UBR1: variants seen among roughly 807,000 people sequenced by gnomAD.
UBR1 encodes the protein ubiquitin protein ligase E3 component n-recognin 1.
Under a neutral mutation model 242.1 loss-of-function variants are expected in UBR1, and 102 were observed. The observed-to-expected ratio is 0.42, with a 90% CI of 0.36 to 0.50. The LOEUF (loss-of-function observed/expected upper bound fraction) is 0.50, where lower values mean the gene tolerates loss of function less well. UBR1 is among the 20% of genes least tolerant of loss of function. The probability of loss-of-function intolerance (pLI) is 0.01; values close to 1 mark genes in which losing one functional copy is unlikely to be tolerated. For missense variants in UBR1, 1,772 were observed against 2,101.8 expected, an observed-to-expected ratio of 0.84 and a Z score of 3.07; for synonymous variants, 675 against 684.8, an observed-to-expected ratio of 0.99 and a Z score of 0.22.
chr15:42,962,882 T>C (rs1433530009), intron 42 of UBR1, among the ~76,000 whole-genome samples: 2 of 151,966 alleles, frequency 1.3e-5, no homozygotes, highest in African/African-American at 2.4e-5. Flanking sequence ...GCTGACAAGG[T>C]AGACTGGGAA....
intron 6 of UBR1, among the ~76,000 whole-genome samples, chr15:43,065,683 A>G (rs2033743860): frequency 6.6e-6 from 1 of 152,146 alleles, no homozygotes. Context: ...CAAAGGACAT[A>G]ATCTTGTTCC....
intron 29 of UBR1, among the ~76,000 whole-genome samples, chr15:43,015,447 T>C (rs1264651032): frequency 1.3e-5 from 2 of 152,096 alleles, no homozygotes; most frequent in South Asian, 2.1e-4. Flanking sequence ...GAAGGCAGCA[T>C]GCTCGTTAAG....
rs375899352 is a variant in UBR1, at chr15:43,096,221, T to A, written c.81+9721A>T. On this transcript the variant is annotated intron_variant, in intron 1 of 46. Transcript: ENST00000290650. ...CAGAGTCTCACTCTATCCCTCAGACTGGAGTGCAGTGGCACGATCTGGGCT... is the reference window on the plus strand; with the variant it reads ...CAGAGTCTCACTCTATCCCTCAGACAGGAGTGCAGTGGCACGATCTGGGCT... Among the ~76,000 whole-genome samples, 347 of 151,742 alleles carry A rather than the reference T, an allele frequency of 2.3e-3. 3 individuals carry two copies. Among genetic ancestry groups the A allele is most frequent in the African/African-American group, 7.8e-3 (324 of 41,368 alleles).
At chr15:42,949,241 G>C (rs1312372313) in intron 46 of UBR1, among the ~76,000 whole-genome samples, 2 of 132,020 alleles carry the variant, frequency 1.5e-5, no homozygotes, top group African/African-American at 5.8e-5. Flanking sequence ...AGAACACATG[G>C]ACATAGCAAG....
chr15:42,996,110 G>A (rs12324352), intron 33 of UBR1, among the ~76,000 whole-genome samples: 17 of 152,170 alleles, frequency 1.1e-4, no homozygotes, highest in African/African-American at 2.4e-4. Context: ...AGGTCAAATC[G>A]AATCTCATTT....
intron 40 of UBR1, among the ~76,000 whole-genome samples, chr15:42,969,165 C>A (rs950584770): frequency 2.0e-5 from 3 of 152,194 alleles, no homozygotes; most frequent in African/African-American, 7.2e-5. Context: ...TTCTCCACAT[C>A]CTCTCCAGCA....
chr15:43,039,620 G>A (rs1377777980), intron 15 of UBR1, among the ~76,000 whole-genome samples: 1 of 152,190 alleles, frequency 6.6e-6, no homozygotes, highest in Non-Finnish European at 1.5e-5. Context: ...CATGTCATCT[G>A]CAAACAGGGA....
At chr15:43,043,500 GGCATAATCACAGCTCACT>G (rs2033446010) in intron 14 of UBR1, 105 bp from the exon 15 acceptor site, 13 of 1,074,676 alleles carry the variant, frequency 1.2e-5, no homozygotes, top group Non-Finnish European at 8.4e-6. Flanking sequence ...GGAGTACAGT[GGCATAATCACAGCTCACT>G]GCAGCCTCAA....
chr15:42,998,097 A>G, intron 33 of UBR1, 71 bp downstream of exon 33: 3 of 1,339,688 alleles, frequency 2.2e-6, no homozygotes, highest in East Asian at 2.4e-5. Flanking sequence ...TTTTAGCCCA[A>G]TAATTATTTA....
At chr15:42,966,524 C>G (rs1036778654) in intron 40 of UBR1, among the ~76,000 whole-genome samples, 1 of 151,984 alleles carries the variant, frequency 6.6e-6, no homozygotes, top group Non-Finnish European at 1.5e-5. Context: ...CCAGTCTCTA[C>G]TGAATTAGCC....
At chr15:42,967,429 T>G (rs1025350150) in intron 40 of UBR1, among the ~76,000 whole-genome samples, 1 of 149,588 alleles carries the variant, frequency 6.7e-6, no homozygotes, top group African/African-American at 2.5e-5. Context: ...TTTTTTTTTG[T>G]TTAGATTAAA....
chr15:43,038,296 A>C (rs1313757363), intron 15 of UBR1, 64 bp from the exon 16 acceptor site: 24 of 1,519,472 alleles, frequency 1.6e-5, no homozygotes, highest in Non-Finnish European at 2.2e-5. Flanking sequence ...TAGTTAACTC[A>C]TCAAGTTTAG....
intron 36 of UBR1, among the ~76,000 whole-genome samples, chr15:42,984,424 T>C (rs780651373): frequency 3.3e-5 from 5 of 152,192 alleles, no homozygotes; most frequent in East Asian, 1.9e-4. Flanking sequence ...GGGATCACTA[T>C]GTAAAGAGGT....
At chr15:42,960,297 A>G (rs1025581048) in intron 43 of UBR1, among the ~76,000 whole-genome samples, 4 of 152,254 alleles carry the variant, frequency 2.6e-5, no homozygotes, top group African/African-American at 4.8e-5. Context: ...ATCAAAAACA[A>G]AAGTGGCTTA....
intron 36 of UBR1, 122 bp downstream of exon 36, chr15:42,984,765 C>T: frequency 1.2e-6 from 1 of 867,640 alleles, no homozygotes; most frequent in Admixed American, 2.1e-5. Context: ...CTTTTTTCCC[C>T]ACTATAGAAT....
chr15:43,017,032 C>T (rs1596103266), intron 28 of UBR1, 63 bp downstream of exon 28: 1 of 1,327,548 alleles, frequency 7.5e-7, no homozygotes, highest in East Asian at 2.3e-5. Flanking sequence ...CTCCCTTATA[C>T]CAGTAAAGTT....
intron 45 of UBR1, among the ~76,000 whole-genome samples, chr15:42,951,909 G>A (rs897697922): frequency 2.6e-5 from 4 of 152,132 alleles, no homozygotes; most frequent in African/African-American, 9.7e-5. Flanking sequence ...ACTGTGCCTG[G>A]CCTACATGTA....
intron 3 of UBR1, among the ~76,000 whole-genome samples, chr15:43,076,798 C>A (rs2033905414): frequency 7.5e-6 from 1 of 134,026 alleles, no homozygotes; most frequent in Non-Finnish European, 1.6e-5. Context: ...CCCCGCCCGG[C>A]CAGCCGCCCC....
intron 24 of UBR1, 47 bp from the exon 25 acceptor site, chr15:43,025,030 T>G: frequency 6.2e-6 from 10 of 1,609,138 alleles, no homozygotes; most frequent in Non-Finnish European, 8.5e-6. Context: ...ACAGGTACAT[T>G]TTTATTTGGG....
Sources: gnomAD v4.1 joint callset for allele counts (sites outside exome capture counted in the v4.1 genomes callset) on GRCh38, gnomAD v4.1.1 for gene constraint, MANE v1.5 for transcripts, NCBI Gene and HGNC (gene_info 2026-07-23, HGNC 2026-07-21) for gene names.